Variants in PLXNC1 observed in about 807,000 individuals in gnomAD.
The protein encoded by PLXNC1 is plexin-C1.
PLXNC1 carries 75 observed loss-of-function variants against 178.2 expected under a neutral mutation model. The observed-to-expected ratio is 0.42, with a 90% CI of 0.35 to 0.51. PLXNC1 has a LOEUF of 0.51. PLXNC1 is among the 20% of genes least tolerant of loss of function. The pLI, the probability that PLXNC1 is intolerant of heterozygous loss-of-function variation, is 0.02. For synonymous variants in PLXNC1, 790 were observed against 779.9 expected, an observed-to-expected ratio of 1.01 and a Z score of -0.22; for missense variants, 1,503 against 1,984.4, an observed-to-expected ratio of 0.76 and a Z score of 4.61.
chr12:94,257,466 C>G (rs1964875017), intron 17 of PLXNC1, among the ~76,000 whole-genome samples: 2 of 152,160 alleles, frequency 1.3e-5, no homozygotes, highest in Non-Finnish European at 2.9e-5. Flanking sequence ...AAGGAGGAAG[C>G]AGCCTTAAAA....
rs774698118 is a variant in PLXNC1, at chr12:94,163,355, C to G, written c.1063-5798C>G. Among the ~76,000 whole-genome samples, 49 of 152,066 alleles carry G rather than the reference C, an allele frequency of 3.2e-4. 1 individual carries two copies. Among genetic ancestry groups the G allele is most frequent in the Non-Finnish European group, 5.9e-5 (4 of 68,022 alleles). On this transcript the variant is annotated intron_variant, in intron 1 of 30. Transcript: ENST00000258526. ...CCTGGGCGACACAGTGAGACTCTGTCTCAAAATAATAATAATAAAAAAAAG... is the reference window on the plus strand; with the variant it reads ...CCTGGGCGACACAGTGAGACTCTGTGTCAAAATAATAATAATAAAAAAAAG...
rs774757175 is a variant in PLXNC1, at chr12:94,149,877, C to A, written c.906C>A (p.Ala302=). 6.3e-7 allele frequency: 1 copy of A among 1,588,270 alleles called. No individual in the cohort carries two copies. The change falls in exon 1 of 31, where the codon GCC becomes GCA. Residue 302 remains alanine, a synonymous_variant. Transcript: ENST00000258526. ...RLLLSSSLVE[A]LDVWAGVFSA... ...TCCTCTCCTCCAGCCTAGTGGAGGC[C>A]CTGGACGTCTGGGCGGGAGTGTTCA... is the stretch of plus-strand genomic sequence containing the variant.
Position 94,226,417 on chromosome 12 carries a change from C to T in PLXNC1, c.1791-188C>T, listed in dbSNP as rs886857066. On this transcript the variant is annotated intron_variant, in intron 7 of 30. Transcript: ENST00000258526. ...TTCCATGGCAACACCCCTGCAGGTG[C>T]CATTCCGGCCCATCAACCTGAGGGC... The T allele has an allele frequency of 9.3e-5, 49 of 527,776 alleles. No homozygotes were observed. In the East Asian group the frequency reaches 1.6e-3, roughly 18 times the overall value. The allele number at this position is 527,776 out of a possible 1,614,324, so 32.7% of individuals were successfully genotyped here.
At chr12:94,223,951 G>C (rs754186130) in intron 6 of PLXNC1, among the ~76,000 whole-genome samples, 21 of 152,094 alleles carry the variant, frequency 1.4e-4, no homozygotes, top group Non-Finnish European at 2.8e-4. Context: ...ATGTAAATGA[G>C]CTGTAAAATG....
chr12:94,173,084 C>T (rs971858547), intron 2 of PLXNC1, among the ~76,000 whole-genome samples: 1 of 152,156 alleles, frequency 6.6e-6, no homozygotes, highest in Non-Finnish European at 1.5e-5. Context: ...TGCTTCTTTT[C>T]GGAACATGAT....
intron 2 of PLXNC1, among the ~76,000 whole-genome samples, chr12:94,172,320 T>C (rs765209890): frequency 6.6e-6 from 1 of 152,222 alleles, no homozygotes; most frequent in Non-Finnish European, 1.5e-5. Context: ...CTGTTGTGTA[T>C]ACCTTGTTGA....
At chr12:94,167,917 C>G (rs983641849) in intron 1 of PLXNC1, 4 of 152,130 alleles carry the variant, frequency 2.6e-5, no homozygotes, top group African/African-American at 9.7e-5. Context: ...AGCGCAACCT[C>G]AACAAAGAAA....
intron 2 of PLXNC1, 64 bp downstream of exon 2, chr12:94,169,357 CA>C (rs1961754431): frequency 8.1e-7 from 1 of 1,239,090 alleles, no homozygotes. Flanking sequence ...TTTAAAAAAA[CA>C]TTTTTTTAAT....
At chr12:94,193,254 C>T (rs924038426) in intron 4 of PLXNC1, among the ~76,000 whole-genome samples, 3 of 152,104 alleles carry the variant, frequency 2.0e-5, no homozygotes, top group East Asian at 1.9e-4. Context: ...TGTTTTAGAA[C>T]GAGAACTCTG....
At chr12:94,256,821 C>G (rs954786649) in intron 17 of PLXNC1, among the ~76,000 whole-genome samples, 30 of 131,694 alleles carry the variant, frequency 2.3e-4, no homozygotes, top group Admixed American at 6.7e-4. Context: ...TGTAAAGGAA[C>G]ACTGTTGCAA....
rs1593040913 is a variant in PLXNC1, at chr12:94,306,995, C to T, written c.*1710C>T. ...AGAGGTGAAGGAGTTCATAAGAGAA[C>T]AACAGTAGGAAAGTTGAGAGCCAAG... On this transcript the variant is annotated 3_prime_UTR_variant, in exon 31 of 31. Transcript: ENST00000258526. 1 of 152,298 alleles carries T rather than the reference C, an allele frequency of 6.6e-6. No homozygotes were observed. Among genetic ancestry groups the T allele is most frequent in the African/African-American group, 2.4e-5 (1 of 41,560 alleles). The allele number at this position is 152,298 out of a possible 1,614,324, so 9.4% of individuals were successfully genotyped here.
At chr12:94,216,684 T>A (rs1484392449) in intron 5 of PLXNC1, among the ~76,000 whole-genome samples, 1 of 152,252 alleles carries the variant, frequency 6.6e-6, no homozygotes, top group Non-Finnish European at 1.5e-5. Flanking sequence ...AAGATGCTCT[T>A]GCCGTAGCAT....
Position 94,282,284 on chromosome 12 carries a change from A to G in PLXNC1, c.3776-14A>G. ...TTAAAACTCTCTAAAAAGGAACAAAATGCTCTTTTTCAGAGCTTCAAATGG... is the reference window on the plus strand; with the variant it reads ...TTAAAACTCTCTAAAAAGGAACAAAGTGCTCTTTTTCAGAGCTTCAAATGG... On this transcript the variant is annotated splice_polypyrimidine_tract_variant and intron_variant, in intron 22 of 30. Coordinates refer to ENST00000258526, the MANE Select transcript of PLXNC1 (RefSeq NM_005761.3). 2 of 1,580,370 alleles carry G rather than the reference A, an allele frequency of 1.3e-6. No individual in the cohort carries two copies. The highest frequency in any genetic ancestry group is 1.1e-5 in the South Asian group (1 of 89,654).
intron 2 of PLXNC1, among the ~76,000 whole-genome samples, chr12:94,171,733 A>C (rs1375309018): frequency 1.3e-5 from 2 of 152,100 alleles, no homozygotes; most frequent in Non-Finnish European, 2.9e-5. Context: ...GCCTTCCTAG[A>C]GGCTCAGGAA....
At chr12:94,223,294 A>T (rs1256793721) in intron 6 of PLXNC1, among the ~76,000 whole-genome samples, 1 of 152,198 alleles carries the variant, frequency 6.6e-6, no homozygotes, top group Non-Finnish European at 1.5e-5. Flanking sequence ...ACCACCTCCT[A>T]TTCCTATTAA....
chr12:94,254,748 G>A, intron 15 of PLXNC1, 39 bp from the exon 16 acceptor site: 1 of 1,467,604 alleles, frequency 6.8e-7, no homozygotes, highest in Non-Finnish European at 9.2e-7. Context: ...TGGTTTTTGA[G>A]TTACCATGTC....
rs546776042 is a variant in PLXNC1 at position 94,248,544 on chromosome 12, TG to T, written c.2778+134del. The T allele has an allele frequency of 1.1e-3, 834 of 763,594 alleles. 7 individuals carry two copies. The highest frequency in any genetic ancestry group is 9.6e-3 in the Middle Eastern group (34 of 3,550). The allele number at this position is 763,594 out of a possible 1,614,324, so 47.3% of individuals were successfully genotyped here. On this transcript the variant is annotated intron_variant, in intron 14 of 30. Transcript: ENST00000258526. ...ACTTTAAATAGAAGATAAACAAAGC[TG>T]GTACTGCGAGCCCAAGCAAAATAGC...
chr12:94,279,847 A>T, intron 22 of PLXNC1, 198 bp downstream of exon 22: 1 of 698,188 alleles, frequency 1.4e-6, no homozygotes, highest in Non-Finnish European at 2.6e-6. Flanking sequence ...TCTTCGAAGG[A>T]AGCACGGTCC....
chr12:94,229,075 G>A (rs1024074664), intron 9 of PLXNC1, among the ~76,000 whole-genome samples: 3 of 152,048 alleles, frequency 2.0e-5, no homozygotes, highest in African/African-American at 4.8e-5. Context: ...TGTTATTTTC[G>A]ATTTTGTTTG....
Sources: allele counts gnomAD v4.1 joint callset (sites outside exome capture counted in the v4.1 genomes callset), GRCh38; gene constraint gnomAD v4.1.1; transcripts MANE v1.5; gene names NCBI Gene and HGNC (gene_info 2026-07-23, HGNC 2026-07-21).